Variants in MOB3B observed in about 807,000 individuals in gnomAD.
The protein encoded by MOB3B is MOB kinase activator 3B.
A neutral mutation model predicts 18.7 loss-of-function variants in MOB3B; 7 were observed. The ratio of observed to expected loss-of-function variants is 0.37; its 90% CI spans 0.21 to 0.70. MOB3B has a LOEUF of 0.70. Among genes scored for constraint, MOB3B ranks in the 30% least tolerant of loss-of-function variants. The pLI, the probability that MOB3B is intolerant of heterozygous loss-of-function variation, is 0.52. For missense variants in MOB3B, 253 were observed against 281.3 expected (o/e 0.90, Z 0.72); for synonymous variants, 111 against 99.9 (o/e 1.11, Z -0.66).
intron 2 of MOB3B, among the ~76,000 whole-genome samples, chr9:27,434,303 T>C (rs2131425571): frequency 6.6e-6 from 1 of 152,290 alleles, no homozygotes; most frequent in South Asian, 2.1e-4. Flanking sequence ...TGGCAGCATC[T>C]CTTTCCTCTG....
chr9:27,399,386 G>A (rs1563859055), intron 2 of MOB3B, among the ~76,000 whole-genome samples: 1 of 152,202 alleles, frequency 6.6e-6, no homozygotes, highest in Non-Finnish European at 1.5e-5. Context: ...ACAAGGGCAG[G>A]TGGAAATGCA....
chr9:27,346,782 G>A (rs111923022), intron 3 of MOB3B, among the ~76,000 whole-genome samples: 10,446 of 152,184 alleles, frequency 0.069, 1,060 homozygotes, highest in African/African-American at 0.22. Context: ...ATCACTTGAG[G>A]TCAGAAGTTC....
At chr9:27,425,091 G>A (rs1822306938) in intron 2 of MOB3B, among the ~76,000 whole-genome samples, 2 of 152,092 alleles carry the variant, frequency 1.3e-5, no homozygotes, top group South Asian at 4.1e-4. Context: ...AGTAACTGGG[G>A]GCATCCAGGC....
intron 1 of MOB3B, among the ~76,000 whole-genome samples, chr9:27,500,533 C>T (rs984823825): frequency 3.3e-5 from 5 of 152,284 alleles, no homozygotes; most frequent in African/African-American, 1.2e-4. Context: ...ACTGGGAAAA[C>T]TCGCTAGCCG....
chr9:27,387,228 T>C (rs1821660749), intron 2 of MOB3B, among the ~76,000 whole-genome samples: 2 of 152,182 alleles, frequency 1.3e-5, no homozygotes, highest in African/African-American at 4.8e-5. Context: ...ATTTCTAAAA[T>C]TCTGTGGGGA....
chr9:27,393,939 A>C (rs1187539192), intron 2 of MOB3B, among the ~76,000 whole-genome samples: 2 of 152,162 alleles, frequency 1.3e-5, no homozygotes, highest in Non-Finnish European at 2.9e-5. Context: ...AACACTCATG[A>C]GTGTTCAGGG....
At chr9:27,451,169 C>T (rs1436406551) in intron 2 of MOB3B, among the ~76,000 whole-genome samples, 3 of 152,094 alleles carry the variant, frequency 2.0e-5, no homozygotes, top group Non-Finnish European at 4.4e-5. Context: ...GGGGGATGGA[C>T]CATAAAAATT....
chr9:27,357,681 T>C (rs377214739), intron 3 of MOB3B, among the ~76,000 whole-genome samples: 2 of 152,002 alleles, frequency 1.3e-5, no homozygotes, highest in African/African-American at 2.4e-5. Context: ...GGCATGGCTC[T>C]TTCTCTTGGG....
chr9:27,408,774 G>A (rs1205878518), intron 2 of MOB3B, among the ~76,000 whole-genome samples: 1 of 152,078 alleles, frequency 6.6e-6, no homozygotes, highest in Non-Finnish European at 1.5e-5. Context: ...TTGCTCTGGG[G>A]AGCTCTGAGC....
At position 27,496,177 on chromosome 9, in the gene MOB3B, A is replaced by G. The variant is rs147618685; in HGVS notation, c.-199+33378T>C. Among the ~76,000 whole-genome samples, 151 of 152,368 alleles carry G rather than the reference A, an allele frequency of 9.9e-4. 1 individual carries two copies. Among genetic ancestry groups the G allele is most frequent in the African/African-American group, 3.4e-3 (140 of 41,578 alleles). ...AGTTGTCACATCAGTGTCCATTTTT[A>G]CAATTAACTCATGCTGTGTTTACAT... On this transcript the variant is annotated intron_variant, in intron 1 of 3. Coordinates refer to ENST00000262244, the MANE Select transcript of MOB3B (RefSeq NM_024761.5).
chr9:27,350,084 A>T (rs1821083794), intron 3 of MOB3B, among the ~76,000 whole-genome samples: 1 of 152,218 alleles, frequency 6.6e-6, no homozygotes, highest in Non-Finnish European at 1.5e-5. Flanking sequence ...TGTGGCTAGT[A>T]AGGCTAAGAA....
At position 27,430,847 on chromosome 9, in the gene MOB3B, C is replaced by G. The variant is rs1822407171; in HGVS notation, c.418+24286G>C. Among the ~76,000 whole-genome samples, 5 of 151,484 alleles carry G rather than the reference C, an allele frequency of 3.3e-5. No homozygotes were observed. In the South Asian group the frequency reaches 1.0e-3, roughly 32 times the overall value. ...TGGTTCTTACCACCGTGACATTAAC[C>G]TTCTAAACCCTCCCGTTCAGATCAT... On this transcript the variant is annotated intron_variant, in intron 2 of 3. Coordinates refer to ENST00000262244, the MANE Select transcript of MOB3B (RefSeq NM_024761.5).
At chr9:27,480,369 G>A (rs1220130507) in intron 1 of MOB3B, among the ~76,000 whole-genome samples, 1 of 150,708 alleles carries the variant, frequency 6.6e-6, no homozygotes, top group African/African-American at 2.4e-5. Context: ...ACGCGATCTC[G>A]GCTCACTGCA....
chr9:27,427,957 C>T (rs1335648107), intron 2 of MOB3B, among the ~76,000 whole-genome samples: 1 of 152,168 alleles, frequency 6.6e-6, no homozygotes, highest in Non-Finnish European at 1.5e-5. Context: ...GGCTACCTAG[C>T]CTGAACCCAA....
At chr9:27,426,299 C>A (rs1419110533) in intron 2 of MOB3B, among the ~76,000 whole-genome samples, 1 of 152,158 alleles carries the variant, frequency 6.6e-6, no homozygotes, top group African/African-American at 2.4e-5. Context: ...CAGTTACAAG[C>A]ACCAAATAGG....
At chr9:27,526,867 ATG>A in intron 1 of MOB3B, among the ~76,000 whole-genome samples, 1 of 152,336 alleles carries the variant, frequency 6.6e-6, no homozygotes, top group South Asian at 2.1e-4. Flanking sequence ...ACAATATAAA[ATG>A]TGAGTGGAGT....
chr9:27,518,028 G>T (rs888097028), intron 1 of MOB3B, among the ~76,000 whole-genome samples: 5 of 152,022 alleles, frequency 3.3e-5, no homozygotes, highest in African/African-American at 1.2e-4. Flanking sequence ...CTCAGGCATT[G>T]TTCAGACACT....
intron 3 of MOB3B, among the ~76,000 whole-genome samples, chr9:27,348,506 A>T (rs551580462): frequency 2.8e-4 from 43 of 152,142 alleles, no homozygotes; most frequent in African/African-American, 1.0e-3. Flanking sequence ...TAAAAAAATT[A>T]TCCGGGCATA....
At chr9:27,384,021 C>T (rs1350777674) in intron 2 of MOB3B, among the ~76,000 whole-genome samples, 1 of 152,194 alleles carries the variant, frequency 6.6e-6, no homozygotes. Flanking sequence ...AGAAATTCTA[C>T]AGTAAAGAAA....
Sources: allele counts gnomAD v4.1 joint callset (sites outside exome capture counted in the v4.1 genomes callset), GRCh38; gene constraint gnomAD v4.1.1; transcripts MANE v1.5; gene names NCBI Gene and HGNC (gene_info 2026-07-23, HGNC 2026-07-21).